Variants in PARPBP observed in about 807,000 individuals in gnomAD.
The protein encoded by PARPBP is PARP1 binding protein.
A neutral mutation model predicts 50.0 loss-of-function variants in PARPBP; 52 were observed. That is an observed-to-expected ratio of 1.04 (90% confidence interval 0.83 to 1.31). The LOEUF (loss-of-function observed/expected upper bound fraction) is 1.31. PARPBP is among the 50% of genes most tolerant of loss of function. The probability of loss-of-function intolerance (pLI) is 0.00; values close to 1 mark genes in which losing one functional copy is unlikely to be tolerated. For synonymous variants in PARPBP, 244 were observed against 232.1 expected, an observed-to-expected ratio of 1.05 and a Z score of -0.47; for missense variants, 697 against 672.0, an observed-to-expected ratio of 1.04 and a Z score of -0.41.
intron 9 of PARPBP, among the ~76,000 whole-genome samples, chr12:102,191,204 A>C (rs1027296816): frequency 6.6e-6 from 1 of 152,112 alleles, no homozygotes; most frequent in African/African-American, 2.4e-5. Flanking sequence ...CAGGTGTCAG[A>C]CTTCAATGTT....
At chr12:102,182,802 G>C (rs1565900340) in intron 9 of PARPBP, among the ~76,000 whole-genome samples, 175 bp downstream of exon 9, 1 of 152,172 alleles carries the variant, frequency 6.6e-6, no homozygotes, top group Non-Finnish European at 1.5e-5. Context: ...CTTTTATACA[G>C]TCTTGACTAA....
At chr12:102,132,524 T>C (rs2137497509) in intron 2 of PARPBP, among the ~76,000 whole-genome samples, 1 of 152,352 alleles carries the variant, frequency 6.6e-6, no homozygotes, top group East Asian at 1.9e-4. Context: ...CGTATGTTTT[T>C]ATGCTAGTAC....
chr12:102,184,561 A>G (rs1162517446), intron 9 of PARPBP, among the ~76,000 whole-genome samples: 3 of 152,180 alleles, frequency 2.0e-5, no homozygotes, highest in Non-Finnish European at 4.4e-5. Flanking sequence ...CATAACTACC[A>G]TGAAATATTT....
At chr12:102,140,850 G>A (rs1884474803) in intron 2 of PARPBP, among the ~76,000 whole-genome samples, 1 of 152,224 alleles carries the variant, frequency 6.6e-6, no homozygotes, top group South Asian at 2.1e-4. Flanking sequence ...CTGAGAGACA[G>A]TCTGTTAGAA....
intron 4 of PARPBP, among the ~76,000 whole-genome samples, chr12:102,156,685 G>A (rs1886984201): frequency 2.6e-5 from 4 of 151,936 alleles, no homozygotes; most frequent in Admixed American, 2.6e-4. Context: ...TGTTGCCCAG[G>A]CTGAAGTGCA....
intron 4 of PARPBP, among the ~76,000 whole-genome samples, chr12:102,158,810 G>A (rs982896322): frequency 1.5e-4 from 23 of 151,872 alleles, no homozygotes; most frequent in Non-Finnish European, 2.9e-4. Flanking sequence ...TTTTAAAGAG[G>A]AATGAACCAA....
At chr12:102,126,754 C>T (rs1050067623) in intron 2 of PARPBP, among the ~76,000 whole-genome samples, 2 of 151,982 alleles carry the variant, frequency 1.3e-5, no homozygotes, top group Admixed American at 1.3e-4. Context: ...CCAGTCTGGC[C>T]GACAGAGCGA....
chr12:102,153,027 G>A (rs1886417420), intron 3 of PARPBP, among the ~76,000 whole-genome samples: 1 of 151,744 alleles, frequency 6.6e-6, no homozygotes, highest in South Asian at 2.1e-4. Flanking sequence ...AAATATATTT[G>A]TTATAAGACG....
chr12:102,137,115 A>T (rs1039665765), intron 2 of PARPBP, among the ~76,000 whole-genome samples: 1 of 151,966 alleles, frequency 6.6e-6, no homozygotes, highest in African/African-American at 2.4e-5. Context: ...CACCACGCCT[A>T]GCTAATTTTT....
At chr12:102,166,986 A>G (rs938265675) in intron 6 of PARPBP, among the ~76,000 whole-genome samples, 2 of 152,182 alleles carry the variant, frequency 1.3e-5, no homozygotes, top group Non-Finnish European at 2.9e-5. Context: ...TTGTAAGGCA[A>G]TATAGATATA....
chr12:102,195,960 A>T lies in PARPBP; in HGVS notation c.1409A>T (p.Asn470Ile). 1 of 1,589,900 alleles carries T rather than the reference A, an allele frequency of 6.3e-7. No individual in the cohort carries two copies. Among genetic ancestry groups the T allele is most frequent in the Non-Finnish European group, 8.6e-7 (1 of 1,166,524 alleles). The change falls in exon 11 of 11, where the codon AAT (asparagine) becomes ATT (isoleucine). Residue 470 changes from asparagine (N) to isoleucine (I), a missense_variant. Coordinates refer to ENST00000327680, the MANE Select transcript of PARPBP (RefSeq NM_017915.5). ...TTATCTTGCATAACAGAGGGTGTAAATCCATCTGTTGGAAGATCAACAATT... is the reference window on the plus strand; with the variant it reads ...TTATCTTGCATAACAGAGGGTGTAATTCCATCTGTTGGAAGATCAACAATT... ...YMENDLSEGVNPSVGRSTIGT... is the reference protein window; with the variant it reads ...YMENDLSEGVIPSVGRSTIGT...
intron 2 of PARPBP, among the ~76,000 whole-genome samples, chr12:102,136,750 A>C (rs1883692743): frequency 6.6e-6 from 1 of 152,214 alleles, no homozygotes; most frequent in Non-Finnish European, 1.5e-5. Flanking sequence ...CATAAGAGTT[A>C]GCTTAGGCAT....
chr12:102,121,545 C>G (rs75783996), intron 1 of PARPBP, among the ~76,000 whole-genome samples: 1 of 87,140 alleles, frequency 1.1e-5, no homozygotes, highest in South Asian at 4.7e-4. Flanking sequence ...TAGTAATGCT[C>G]TTTTTTTTTT....
At chr12:102,128,520 C>T (rs922970377) in intron 2 of PARPBP, among the ~76,000 whole-genome samples, 1 of 152,134 alleles carries the variant, frequency 6.6e-6, no homozygotes, top group Admixed American at 6.5e-5. Flanking sequence ...CATGAGCCAC[C>T]GTGCCCGGCC....
chr12:102,138,875 G>A (rs1461678379), intron 2 of PARPBP, among the ~76,000 whole-genome samples: 1 of 152,174 alleles, frequency 6.6e-6, no homozygotes, highest in Non-Finnish European at 1.5e-5. Context: ...CTACCATGCT[G>A]TTTTGGTTAC....
chr12:102,151,605 C>G (rs927928356), intron 3 of PARPBP: 1 of 1,535,622 alleles, frequency 6.5e-7, no homozygotes, highest in East Asian at 2.4e-5. Flanking sequence ...AAAGAGGAAG[C>G]TTGCTGCTGT....
At chr12:102,152,123 C>G (rs1886287636) in intron 3 of PARPBP, 1 of 287,976 alleles carries the variant, frequency 3.5e-6, no homozygotes, top group Non-Finnish European at 6.7e-6. Context: ...CGCTCCTCTT[C>G]CTAGATGTTG....
intron 6 of PARPBP, among the ~76,000 whole-genome samples, chr12:102,167,788 C>T (rs149702445): frequency 9.2e-5 from 14 of 152,098 alleles, no homozygotes; most frequent in African/African-American, 4.8e-5. Flanking sequence ...GGGTCTGGAG[C>T]CTCTCATAGT....
chr12:102,147,355 G>T (rs561049958), intron 2 of PARPBP, among the ~76,000 whole-genome samples: 3,798 of 152,092 alleles, frequency 0.025, 148 homozygotes, highest in African/African-American at 0.076. Flanking sequence ...AGAAAATGTG[G>T]CACATATACA....
Sources: gnomAD v4.1 joint callset for allele counts (sites outside exome capture counted in the v4.1 genomes callset) on GRCh38, gnomAD v4.1.1 for gene constraint, MANE v1.5 for transcripts, NCBI Gene and HGNC (gene_info 2026-07-23, HGNC 2026-07-21) for gene names.